Variants in ULK4 observed in about 807,000 individuals in gnomAD.
ULK4 encodes the protein unc-51 like kinase 4.
Under a neutral mutation model 160.6 loss-of-function variants are expected in ULK4, and 133 were observed. The observed-to-expected ratio is 0.83, with a 90% confidence interval of 0.72 to 0.96. The LOEUF is 0.96. Ranked by LOEUF, ULK4 falls within the 40% of genes least tolerant of loss-of-function variation. The pLI, the probability that ULK4 is intolerant of heterozygous loss-of-function variation, is 0.00. For synonymous variants in ULK4, 534 were observed against 539.8 expected (o/e 0.99, Z 0.15); for missense variants, 1,580 against 1,499.5 (o/e 1.05, Z -0.89).
rs530273392 is a variant in ULK4 at position 41,269,674 on chromosome 3, AGATT to A, written c.3679-20104_3679-20101del. Among the ~76,000 whole-genome samples, 394 of 152,350 alleles carry A rather than the reference AGATT, an allele frequency of 2.6e-3. 1 individual carries two copies. The highest frequency in any genetic ancestry group is 9.1e-3 in the African/African-American group (379 of 41,586). Reference sequence around the variant, plus strand: ...ATTTATGAAAAACAAATTATTATATAGATTATCTACATAAGAGAAGGACCTTCAT... The same window carrying A: ...ATTTATGAAAAACAAATTATTATATAATCTACATAAGAGAAGGACCTTCAT... On this transcript the variant is annotated intron_variant, in intron 35 of 36. Transcript: ENST00000301831.
chr3:41,900,269 T>C (rs548970795), intron 13 of ULK4, among the ~76,000 whole-genome samples: 20 of 151,928 alleles, frequency 1.3e-4, no homozygotes, highest in Non-Finnish European at 2.5e-4. Flanking sequence ...TGTGAGAGGG[T>C]AGGGCTTCTG....
intron 32 of ULK4, among the ~76,000 whole-genome samples, chr3:41,492,465 G>A (rs1369211715): frequency 6.6e-6 from 1 of 151,116 alleles, no homozygotes; most frequent in Non-Finnish European, 1.5e-5. Context: ...ACCAGCCACT[G>A]CAAAATCATG....
chr3:41,369,371 G>A (rs1295555316), intron 35 of ULK4, among the ~76,000 whole-genome samples: 1 of 152,082 alleles, frequency 6.6e-6, no homozygotes, highest in Non-Finnish European at 1.5e-5. Context: ...GCACATGCCT[G>A]TGGTACCAGC....
chr3:41,796,392 C>A (rs537310260), intron 20 of ULK4, among the ~76,000 whole-genome samples: 132 of 152,068 alleles, frequency 8.7e-4, no homozygotes, highest in Admixed American at 5.4e-3. Flanking sequence ...AGTTTGAGAC[C>A]CGCCTGGCCA....
chr3:41,655,227 G>A (rs2034888423), intron 30 of ULK4, among the ~76,000 whole-genome samples: 1 of 151,916 alleles, frequency 6.6e-6, no homozygotes, highest in Non-Finnish European at 1.5e-5. Context: ...GTCCTTTGCA[G>A]GGACATAGAT....
chr3:41,651,325 C>T (rs556157732), intron 30 of ULK4, among the ~76,000 whole-genome samples: 1 of 152,184 alleles, frequency 6.6e-6, no homozygotes, highest in African/African-American at 2.4e-5. Flanking sequence ...GAGGCTGTCT[C>T]TGTCCACCCT....
intron 32 of ULK4, among the ~76,000 whole-genome samples, chr3:41,555,943 G>A (rs1023319570): frequency 2.6e-5 from 4 of 152,112 alleles, no homozygotes; most frequent in Admixed American, 2.0e-4. Context: ...ACCAAATATG[G>A]TGTATTCTCA....
chr3:41,853,673 C>T (rs971001990), intron 17 of ULK4, among the ~76,000 whole-genome samples: 8 of 152,194 alleles, frequency 5.3e-5, no homozygotes, highest in Non-Finnish European at 1.2e-4. Flanking sequence ...CTCAAAACCT[C>T]CCCTATTCAC....
At chr3:41,260,635 G>C (rs1484949771) in intron 35 of ULK4, among the ~76,000 whole-genome samples, 1 of 152,198 alleles carries the variant, frequency 6.6e-6, no homozygotes, top group African/African-American at 2.4e-5. Context: ...TCCCATCAGT[G>C]CATCTGCTGA....
intron 34 of ULK4, among the ~76,000 whole-genome samples, chr3:41,446,045 C>G (rs2083289330): frequency 6.6e-6 from 1 of 152,066 alleles, no homozygotes; most frequent in East Asian, 1.9e-4. Flanking sequence ...ACAAACAACC[C>G]CATCAAAAAG....
intron 2 of ULK4, among the ~76,000 whole-genome samples, chr3:41,942,381 T>C (rs929747001): frequency 6.6e-6 from 1 of 151,618 alleles, no homozygotes; most frequent in Non-Finnish European, 1.5e-5. Flanking sequence ...TAGGCAGGCA[T>C]GGTGGTGCAT....
In ULK4 at chr3:41,306,128, T is replaced by TTGG. The variant is rs1389101389; in HGVS notation, c.3679-56555_3679-56554insCCA. ...GCCGCCACCCCGTCCGGGAGGGAGG[T>TTGG]GGGGGGGGGGGGTCAGCCCCCCGCC... is the stretch of plus-strand genomic sequence containing the variant. On this transcript the variant is annotated intron_variant, in intron 35 of 36. Coordinates refer to ENST00000301831, the MANE Select transcript of ULK4 (RefSeq NM_017886.4). Among the ~76,000 whole-genome samples the TTGG allele has an allele frequency of 1.4e-3, 86 of 61,062 alleles. 2 individuals are homozygous for TTGG. The highest frequency in any genetic ancestry group is 7.5e-3 in the African/African-American group (77 of 10,300). The allele number at this position is 61,062 out of a possible 152,430, so 40.1% of individuals were successfully genotyped here.
chr3:41,912,809 G>A lies in ULK4; in HGVS notation c.894C>T (p.Leu298=). The part of the protein sequence containing the change: ...DQESSVEDLS[L]SRNTMECSGP... The stretch of plus-strand genomic sequence containing the variant: ...ACACAAAGGTAAGTGTATACTACCT[G>A]AGACTGAGATCTTCGACGCTTGATT... Residue 298 remains leucine, a splice_region_variant and synonymous_variant, in exon 9 of 37, where the codon CTC becomes CTT. Transcript: ENST00000301831. 7 of 1,614,036 alleles carry A rather than the reference G, an allele frequency of 4.3e-6. No individual in the cohort carries two copies. Among genetic ancestry groups the A allele is most frequent in the Non-Finnish European group, 5.9e-6 (7 of 1,179,928 alleles).
chr3:41,829,842 C>T (rs1262570042), intron 18 of ULK4, among the ~76,000 whole-genome samples: 1 of 147,204 alleles, frequency 6.8e-6, no homozygotes, highest in Non-Finnish European at 1.5e-5. Context: ...AAGACACATG[C>T]ACACGTATGT....
chr3:41,344,864 A>T (rs2080766859), intron 35 of ULK4, among the ~76,000 whole-genome samples: 1 of 152,040 alleles, frequency 6.6e-6, no homozygotes, highest in South Asian at 2.1e-4. Context: ...ACAGAATGGG[A>T]AAAAAATTTT....
chr3:41,473,660 T>TC (rs2084053604), intron 32 of ULK4, among the ~76,000 whole-genome samples: 1 of 42,394 alleles, frequency 2.4e-5, no homozygotes, highest in Non-Finnish European at 3.7e-5. Context: ...AGATTCTGTC[T>TC]CAAAGAAAAA....
intron 34 of ULK4, among the ~76,000 whole-genome samples, chr3:41,444,350 A>T (rs1423199969): frequency 1.4e-5 from 2 of 140,976 alleles, no homozygotes; most frequent in African/African-American, 5.8e-5. Flanking sequence ...TTTCTAAATG[A>T]TTTAAGTGAC....
At chr3:41,465,022 A>G (rs528915492) in intron 32 of ULK4, among the ~76,000 whole-genome samples, 1 of 152,336 alleles carries the variant, frequency 6.6e-6, no homozygotes, top group South Asian at 2.1e-4. Context: ...GATTTTACAC[A>G]CTGAAGTCAC....
At chr3:41,522,756 G>A (rs540874136) in intron 32 of ULK4, among the ~76,000 whole-genome samples, 25 of 152,240 alleles carry the variant, frequency 1.6e-4, no homozygotes, top group African/African-American at 5.3e-4. Context: ...TCCAAATTAT[G>A]GTCTCAGTCT....
Sources: allele counts gnomAD v4.1 joint callset (sites outside exome capture counted in the v4.1 genomes callset), GRCh38; gene constraint gnomAD v4.1.1; transcripts MANE v1.5; gene names NCBI Gene and HGNC (gene_info 2026-07-23, HGNC 2026-07-21).